Variants in HDAC8 observed in about 807,000 individuals in gnomAD.
The protein encoded by HDAC8 is histone deacetylase 8.
HDAC8 carries 1 observed loss-of-function variant against 32.2 expected under a neutral mutation model. That is an observed-to-expected ratio of 0.03 (90% CI 0.01 to 0.15). HDAC8 has a LOEUF of 0.15. Ranked by LOEUF, HDAC8 falls within the 10% of genes least tolerant of loss-of-function variation. HDAC8 has a pLI of 1.00. For missense variants in HDAC8, 117 were observed against 300.0 expected, an observed-to-expected ratio of 0.39 and a Z score of 4.51; for synonymous variants, 108 against 113.9, an observed-to-expected ratio of 0.95 and a Z score of 0.33.
intron 2 of HDAC8, chrX:72,571,824 C>T (rs1409263731): frequency 1.0e-5 from 3 of 296,306 alleles, no homozygotes; most frequent in Non-Finnish European, 1.7e-5. Flanking sequence ...CCACCTAGGC[C>T]TCCCAAAGTG....
intron 5 of HDAC8, among the ~76,000 whole-genome samples, chrX:72,492,168 G>T (rs2048891512): frequency 8.9e-6 from 1 of 111,990 alleles, no homozygotes. Context: ...GATAATTCAT[G>T]AAAATCCTGA....
intron 9 of HDAC8, among the ~76,000 whole-genome samples, chrX:72,409,647 G>A (rs782208233): frequency 1.8e-5 from 2 of 112,576 alleles, no homozygotes; most frequent in South Asian, 7.4e-4. Context: ...TCTTCAACTG[G>A]AAAACACTTA....
At chrX:72,352,113 A>G (rs782210697) in intron 9 of HDAC8, among the ~76,000 whole-genome samples, 1 of 111,397 alleles carries the variant, frequency 9.0e-6, no homozygotes, top group East Asian at 2.9e-4. Context: ...TTCAGCTCTT[A>G]CTGCTTCCTT....
rs373736165 is a variant in HDAC8 at position 72,494,668 on chromosome X, A to G, written c.550+488T>C. 1.2e-3 allele frequency among the ~76,000 whole-genome samples: 135 copies of G among 111,932 alleles called. 2 individuals carry two copies. In the South Asian group the frequency reaches 0.049, roughly 41 times the overall value. Reference sequence around the variant, plus strand: ...ATGTTAGGGAAGATGTCCTGTTTGTACGGCACTAAATATTTTAGCAATACA... The same window carrying G: ...ATGTTAGGGAAGATGTCCTGTTTGTGCGGCACTAAATATTTTAGCAATACA... On this transcript the variant is annotated intron_variant, in intron 5 of 10. Coordinates refer to ENST00000373573, the MANE Select transcript of HDAC8 (RefSeq NM_018486.3).
chrX:72,407,196 A>G (rs1341172094), intron 9 of HDAC8, among the ~76,000 whole-genome samples: 1 of 112,619 alleles, frequency 8.9e-6, no homozygotes, highest in Non-Finnish European at 1.9e-5. Flanking sequence ...GGCGAGCTCA[A>G]TGTAATCACA....
At chrX:72,567,647 G>A (rs1186231984) in intron 4 of HDAC8, 2 of 933,371 alleles carry the variant, frequency 2.1e-6, no homozygotes, top group Non-Finnish European at 3.1e-6. Context: ...ATCAGTCCAA[G>A]TCAGTTAGCC....
chrX:72,538,024 A>C (rs1569383981), intron 4 of HDAC8, among the ~76,000 whole-genome samples: 1 of 111,348 alleles, frequency 9.0e-6, no homozygotes, highest in East Asian at 2.8e-4. Context: ...AGTTGGATTA[A>C]ATATTTGCAA....
chrX:72,414,241 T>C (rs2046274882), intron 9 of HDAC8, among the ~76,000 whole-genome samples: 1 of 112,351 alleles, frequency 8.9e-6, no homozygotes, highest in Non-Finnish European at 1.9e-5. Flanking sequence ...CTTCTTTGGG[T>C]CACACTGCTT....
intron 4 of HDAC8, among the ~76,000 whole-genome samples, chrX:72,515,902 C>A (rs782657511): frequency 1.7e-4 from 19 of 112,056 alleles, no homozygotes; most frequent in Non-Finnish European, 7.5e-5. Flanking sequence ...GAGGGACTAG[C>A]ACTGCAAAAG....
At chrX:72,549,415 G>A (rs1205797404) in intron 4 of HDAC8, among the ~76,000 whole-genome samples, 2 of 111,286 alleles carry the variant, frequency 1.8e-5, no homozygotes, top group Non-Finnish European at 3.8e-5. Context: ...TTCAGTGAAG[G>A]TGATTCTCCT....
intron 7 of HDAC8, among the ~76,000 whole-genome samples, chrX:72,471,555 T>G (rs1190980639): frequency 8.9e-6 from 1 of 112,619 alleles, no homozygotes; most frequent in Non-Finnish European, 1.9e-5. Context: ...TTAGTGGGTG[T>G]GAAGTAGCAT....
At chrX:72,448,865 A>G (rs1309417590) in intron 9 of HDAC8, among the ~76,000 whole-genome samples, 1 of 112,527 alleles carries the variant, frequency 8.9e-6, no homozygotes, top group Non-Finnish European at 1.9e-5. Flanking sequence ...TGCAAATCAA[A>G]ACCACAATGA....
intron 9 of HDAC8, among the ~76,000 whole-genome samples, chrX:72,376,570 C>T (rs1470942561): frequency 9.0e-6 from 1 of 111,029 alleles, no homozygotes; most frequent in African/African-American, 3.3e-5. Context: ...AGGAGCATGC[C>T]ACCATGTCTG....
At chrX:72,350,767 A>G (rs2147736461) in intron 10 of HDAC8, among the ~76,000 whole-genome samples, 1 of 112,321 alleles carries the variant, frequency 8.9e-6, no homozygotes, top group South Asian at 3.7e-4. Context: ...GAGGACAGTG[A>G]CCCCAAACAG....
At chrX:72,380,167 C>A (rs1274769783) in intron 9 of HDAC8, among the ~76,000 whole-genome samples, 4 of 111,800 alleles carry the variant, frequency 3.6e-5, no homozygotes, top group Non-Finnish European at 5.6e-5. Context: ...ATATGGACAT[C>A]TCATTCCCCA....
Position 72,446,411 on chromosome X carries a change from C to T in HDAC8, c.1005+15593G>A, listed in dbSNP as rs1392754117. Among the ~76,000 whole-genome samples, 3 of 110,642 alleles carry T rather than the reference C, an allele frequency of 2.7e-5. No individual in the cohort carries two copies. In the Admixed American group the frequency reaches 2.9e-4, roughly 11 times the overall value. On this transcript the variant is annotated intron_variant, in intron 9 of 10. Transcript: ENST00000373573. ...GGACATGGATGAAATTGGAAATCAT[C>T]ATTCTCAGTAAACTATCGCAAGGAC...
At position 72,525,547 on chromosome X, in the gene HDAC8, C is replaced by T. The variant is rs782551059; in HGVS notation, c.438-30279G>A. On this transcript the variant is annotated intron_variant, in intron 4 of 10. Transcript: ENST00000373573. ...TACTAAATGCTCTCTGTTCTAGGCA[C>T]TGAGACAAAAATCCCTGTCCTCTTG... Among the ~76,000 whole-genome samples, 13 of 110,509 alleles carry T rather than the reference C, an allele frequency of 1.2e-4. No individual in the cohort carries two copies. The South Asian group carries it at 5.1e-3, about 43-fold the overall frequency.
chrX:72,506,136 G>A (rs946131787), intron 4 of HDAC8, among the ~76,000 whole-genome samples: 14 of 111,576 alleles, frequency 1.3e-4, no homozygotes, highest in East Asian at 5.6e-4. Context: ...AACTGCAGCC[G>A]ACCATGCATG....
At chrX:72,454,946 T>C (rs2047680945) in intron 9 of HDAC8, among the ~76,000 whole-genome samples, 1 of 112,688 alleles carries the variant, frequency 8.9e-6, no homozygotes, top group South Asian at 3.6e-4. Flanking sequence ...AGTTAGCATC[T>C]CATTTACAGA....
Sources: allele counts gnomAD v4.1 joint callset (sites outside exome capture counted in the v4.1 genomes callset), GRCh38; gene constraint gnomAD v4.1.1; transcripts MANE v1.5; gene names NCBI Gene and HGNC (gene_info 2026-07-23, HGNC 2026-07-21).